The following IL1RAPL2 variants were observed in gnomAD, a reference collection of about 807,000 sequenced individuals.
IL1RAPL2 encodes interleukin 1 receptor accessory protein like 2, also known as X-linked interleukin-1 receptor accessory protein-like 2.
Under a neutral mutation model 44.1 loss-of-function variants are expected in IL1RAPL2, and 3 were observed. The observed-to-expected ratio is 0.07, with a 90% CI of 0.03 to 0.18. The LOEUF (loss-of-function observed/expected upper bound fraction) is 0.18, where lower values mean the gene tolerates loss of function less well. Ranked by LOEUF, IL1RAPL2 falls within the 10% of genes least tolerant of loss-of-function variation. The probability of loss-of-function intolerance (pLI) is 1.00; values close to 1 mark genes in which losing one functional copy is unlikely to be tolerated. For missense variants in IL1RAPL2, 391 were observed against 496.4 expected, an observed-to-expected ratio of 0.79 and a Z score of 2.02; for synonymous variants, 181 against 178.8, an observed-to-expected ratio of 1.01 and a Z score of -0.10.
chrX:105,713,754 T>G (rs1244562750), intron 6 of IL1RAPL2, among the ~76,000 whole-genome samples: 1 of 111,499 alleles, frequency 9.0e-6, no homozygotes, highest in Non-Finnish European at 1.9e-5. Context: ...TCCCTTGTCT[T>G]GATGGATGGC....
chrX:105,560,849 T>G (rs965612900), intron 6 of IL1RAPL2, among the ~76,000 whole-genome samples: 6 of 109,926 alleles, frequency 5.5e-5, no homozygotes, highest in African/African-American at 2.0e-4. Flanking sequence ...ATATATATTT[T>G]ATATGTACAT....
chrX:105,326,899 C>CA (rs769773116), intron 5 of IL1RAPL2, among the ~76,000 whole-genome samples: 39 of 109,520 alleles, frequency 3.6e-4, no homozygotes, highest in African/African-American at 1.2e-3. Flanking sequence ...CAATTTTTGC[C>CA]AAAAAAAGCC....
chrX:105,568,062 A>G (rs978139412), intron 6 of IL1RAPL2, among the ~76,000 whole-genome samples: 1 of 110,501 alleles, frequency 9.0e-6, no homozygotes, highest in Non-Finnish European at 1.9e-5. Flanking sequence ...AACTGTCAAA[A>G]CTCTATGTGT....
chrX:105,079,820 G>T (rs1442619541), intron 2 of IL1RAPL2, among the ~76,000 whole-genome samples: 1 of 111,148 alleles, frequency 9.0e-6, no homozygotes, highest in Admixed American at 9.6e-5. Context: ...CCCACCAACA[G>T]TATAAAAGCA....
intron 6 of IL1RAPL2, among the ~76,000 whole-genome samples, chrX:105,547,268 A>G (rs1395915223): frequency 2.7e-5 from 3 of 112,438 alleles, no homozygotes; most frequent in Admixed American, 9.4e-5. Flanking sequence ...AATAACCTCT[A>G]TCGTACATTT....
chrX:105,613,097 C>T (rs1346186411), intron 6 of IL1RAPL2, among the ~76,000 whole-genome samples: 1 of 111,700 alleles, frequency 9.0e-6, no homozygotes, highest in Non-Finnish European at 1.9e-5. Flanking sequence ...CTTTTGACTA[C>T]TTGAGGAGAG....
intron 2 of IL1RAPL2, among the ~76,000 whole-genome samples, chrX:105,145,453 G>C (rs184660115): frequency 1.3e-4 from 14 of 111,531 alleles, no homozygotes; most frequent in Non-Finnish European, 2.1e-4. Flanking sequence ...GAAGGAGGCA[G>C]GTTGGTTAAG....
chrX:105,743,034 A>T (rs2038513308), intron 8 of IL1RAPL2, among the ~76,000 whole-genome samples: 1 of 110,944 alleles, frequency 9.0e-6, no homozygotes, highest in African/African-American at 3.3e-5. Flanking sequence ...GCCTATTTAG[A>T]CTCTGAACAC....
At chrX:104,626,677 TA>T (rs367629399) in intron 1 of IL1RAPL2, among the ~76,000 whole-genome samples, 6,766 of 105,080 alleles carry the variant, frequency 0.064, 526 homozygotes, top group African/African-American at 0.22. Flanking sequence ...CTATAACTCA[TA>T]AAAAAAAAAG....
At chrX:105,482,595 T>G (rs1304449273) in intron 5 of IL1RAPL2, among the ~76,000 whole-genome samples, 1 of 111,784 alleles carries the variant, frequency 8.9e-6, no homozygotes, top group Non-Finnish European at 1.9e-5. Flanking sequence ...CTAAGTATAT[T>G]TCTGGTGCAT....
rs181277078 is a variant in IL1RAPL2 at position 104,918,136 on chromosome X, T to G, written c.82+259141T>G. The stretch of plus-strand genomic sequence containing the variant: ...TCTGTCGCTACCAGTGTTTCTCAAC[T>G]GAACGTTTGCAATTATCTAACACAT... On this transcript the variant is annotated intron_variant, in intron 2 of 10. Coordinates refer to ENST00000372582, the MANE Select transcript of IL1RAPL2 (RefSeq NM_017416.2). 3.8e-3 allele frequency among the ~76,000 whole-genome samples: 430 copies of G among 112,488 alleles called. 5 individuals carry two copies. In the South Asian group the frequency reaches 0.065, roughly 17 times the overall value.
intron 8 of IL1RAPL2, among the ~76,000 whole-genome samples, chrX:105,745,192 A>G (rs2038530833): frequency 9.0e-6 from 1 of 111,522 alleles, no homozygotes; most frequent in Admixed American, 9.5e-5. Flanking sequence ...TCTGATCACG[A>G]CTATTTAGGC....
intron 5 of IL1RAPL2, among the ~76,000 whole-genome samples, chrX:105,455,562 AT>A (rs1045883128): frequency 8.9e-6 from 1 of 111,778 alleles, no homozygotes; most frequent in African/African-American, 3.3e-5. Flanking sequence ...TCCCAGCATC[AT>A]TTGTTGAACA....
chrX:105,576,026 TG>T (rs1218653054), intron 6 of IL1RAPL2, among the ~76,000 whole-genome samples: 1 of 111,893 alleles, frequency 8.9e-6, no homozygotes, highest in Non-Finnish European at 1.9e-5. Context: ...GGTTGTTTTT[TG>T]CTTATAAATT....
At chrX:105,697,066 G>C (rs367798603) in intron 6 of IL1RAPL2, among the ~76,000 whole-genome samples, 2 of 109,640 alleles carry the variant, frequency 1.8e-5, no homozygotes, top group Admixed American at 2.0e-4. Flanking sequence ...TGAGAAAAAG[G>C]GGGGGAAATG....
chrX:105,447,097 A>ATATATT (rs2035962588), intron 5 of IL1RAPL2, among the ~76,000 whole-genome samples: 1 of 58,743 alleles, frequency 1.7e-5, no homozygotes, highest in Non-Finnish European at 2.6e-5. Context: ...ATATATATAT[A>ATATATT]TATATATATA....
At chrX:105,691,394 G>A (rs148305222) in intron 6 of IL1RAPL2, among the ~76,000 whole-genome samples, 11 of 110,826 alleles carry the variant, frequency 9.9e-5, no homozygotes, top group East Asian at 2.9e-4. Context: ...CTAACAAATC[G>A]GATTTTCTAT....
intron 6 of IL1RAPL2, among the ~76,000 whole-genome samples, chrX:105,682,826 T>C (rs1265416089): frequency 8.9e-6 from 1 of 112,412 alleles, no homozygotes; most frequent in African/African-American, 3.2e-5. Flanking sequence ...AAAAAGGTAA[T>C]TTTAGTTGTA....
chrX:105,129,379 A>G (rs779032567), intron 2 of IL1RAPL2, among the ~76,000 whole-genome samples: 29 of 110,748 alleles, frequency 2.6e-4, no homozygotes, highest in Non-Finnish European at 5.1e-4. Context: ...TCATAGCCTA[A>G]TCACCTTCCA....
Sources: allele counts gnomAD v4.1 joint callset (sites outside exome capture counted in the v4.1 genomes callset), GRCh38; gene constraint gnomAD v4.1.1; transcripts MANE v1.5; gene names NCBI Gene and HGNC (gene_info 2026-07-23, HGNC 2026-07-21).